TNS1: variants seen among roughly 807,000 people sequenced by gnomAD.
TNS1 encodes the protein tensin-1.
TNS1 carries 62 observed loss-of-function variants against 168.6 expected under a neutral mutation model. The ratio of observed to expected loss-of-function variants is 0.37; its 90% CI spans 0.30 to 0.45. The LOEUF (loss-of-function observed/expected upper bound fraction) is 0.45, where lower values mean the gene tolerates loss of function less well. TNS1 is among the 20% of genes least tolerant of loss of function. The pLI is 1.00. For synonymous variants in TNS1, 934 were observed against 933.2 expected (o/e 1.00, Z -0.02); for missense variants, 2,240 against 2,339.4 (o/e 0.96, Z 0.88).
intron 3 of TNS1, among the ~76,000 whole-genome samples, chr2:217,928,211 G>T (rs1323704357): frequency 6.6e-6 from 1 of 152,246 alleles, no homozygotes; most frequent in African/African-American, 2.4e-5. Context: ...AGATTACAAG[G>T]CTTGCCTGAA....
intron 18 of TNS1, chr2:217,859,585 C>A: frequency 6.7e-7 from 1 of 1,485,484 alleles, no homozygotes; most frequent in Non-Finnish European, 9.1e-7. Context: ...GGCAACTTGA[C>A]ATTTTGGAGG....
upstream of TNS1, among the ~76,000 whole-genome samples, chr2:218,013,463 C>T (rs894165338): frequency 4.6e-5 from 7 of 152,116 alleles, no homozygotes; most frequent in Admixed American, 1.3e-4. Context: ...GCCCTGGGGG[C>T]CTCATGCCAG....
At chr2:217,975,452 G>A (rs753365429) in intron 3 of TNS1, among the ~76,000 whole-genome samples, 7 of 151,960 alleles carry the variant, frequency 4.6e-5, no homozygotes, top group Non-Finnish European at 8.8e-5. Flanking sequence ...CTATCGCTTC[G>A]TGCTGCAGGA....
chr2:217,966,476 C>G (rs1275436615), intron 3 of TNS1, among the ~76,000 whole-genome samples: 1 of 152,200 alleles, frequency 6.6e-6, no homozygotes, highest in Non-Finnish European at 1.5e-5. Context: ...GCCAGAAGAA[C>G]AGACACCAGG....
chr2:217,882,852 G>A (rs1046228593), intron 16 of TNS1, among the ~76,000 whole-genome samples: 1 of 152,166 alleles, frequency 6.6e-6, no homozygotes, highest in East Asian at 1.9e-4. Flanking sequence ...ATGGAGTACA[G>A]TGGTGCGATC....
intron 31 of TNS1, 113 bp downstream of exon 31, chr2:217,808,490 G>T: frequency 9.6e-7 from 1 of 1,042,738 alleles, no homozygotes; most frequent in Non-Finnish European, 1.5e-6. Flanking sequence ...CCAGCTGAAT[G>T]GAGAATGTAT....
Position 217,880,796 on chromosome 2 carries a change from C to T in TNS1, c.1429+102G>A. 3.3e-6 allele frequency: 3 copies of T among 896,496 alleles called. No individual in the cohort carries two copies. The highest frequency in any genetic ancestry group is 1.6e-5 in the African/African-American group (1 of 60,690). 55.5% of individuals were successfully genotyped at this position (896,496 alleles called of 1,614,324 possible). Reference sequence around the variant, plus strand: ...ACCTCACACTTCCCCTCTGCCTCCTCTCGAACCCAGATCTCTTGAAAGCAG... The same window carrying T: ...ACCTCACACTTCCCCTCTGCCTCCTTTCGAACCCAGATCTCTTGAAAGCAG... On this transcript the variant is annotated intron_variant, in intron 18 of 32. Transcript: ENST00000682258. The surrounding 1 kb of genome is among the most constrained non-coding windows in gnomAD (Gnocchi z 4.2).
chr2:217,833,467 T>C (rs1490112009), intron 21 of TNS1, among the ~76,000 whole-genome samples: 1 of 152,268 alleles, frequency 6.6e-6, no homozygotes, highest in African/African-American at 2.4e-5. Flanking sequence ...GAGGTACCCA[T>C]GGCTGGCCAA....
chr2:217,954,266 T>C (rs868186546), intron 3 of TNS1, among the ~76,000 whole-genome samples: 1 of 152,164 alleles, frequency 6.6e-6, no homozygotes, highest in Admixed American at 6.5e-5. Context: ...TCTCTGGGTC[T>C]CCATCTTGTT....
rs1950572144 is a variant in TNS1 at position 217,880,372 on chromosome 2, T to C, written c.1429+526A>G. On this transcript the variant is annotated intron_variant, in intron 18 of 32. Transcript: ENST00000682258. This position sits in a 1 kb window ranked among gnomAD's most constrained non-coding sequence, Gnocchi z 4.2. ...TGTTCCCAGCTCTCAAACATTTTTG[T>C]TGGCTGTTGATGAAAGCTTGTAGGC... Among the ~76,000 whole-genome samples the C allele has an allele frequency of 6.6e-6, 1 of 152,224 alleles. No individual in the cohort carries two copies. The highest frequency in any genetic ancestry group is 1.5e-5 in the Non-Finnish European group (1 of 68,048).
intron 1 of TNS1, among the ~76,000 whole-genome samples, chr2:217,993,768 A>G (rs1000020562): frequency 1.3e-5 from 2 of 152,208 alleles, no homozygotes; most frequent in African/African-American, 4.8e-5. Context: ...ATCCATGTCA[A>G]TTTCCTGATT....
chr2:217,988,563 A>G (rs1958261315), intron 2 of TNS1, among the ~76,000 whole-genome samples: 1 of 152,186 alleles, frequency 6.6e-6, no homozygotes, highest in African/African-American at 2.4e-5. Context: ...TAATTTATGC[A>G]TCTTCGCAGG....
intron 3 of TNS1, among the ~76,000 whole-genome samples, chr2:217,931,477 G>C (rs774694083): frequency 6.6e-6 from 1 of 152,182 alleles, no homozygotes; most frequent in Non-Finnish European, 1.5e-5. Flanking sequence ...AGGTGCGGGG[G>C]GCTAAGCCAG....
chr2:217,923,304 G>A (rs1955832441), intron 3 of TNS1, among the ~76,000 whole-genome samples: 1 of 152,234 alleles, frequency 6.6e-6, no homozygotes, highest in Non-Finnish European at 1.5e-5. Context: ...ATTGGGAACT[G>A]ACAGGGTGTC....
At chr2:217,946,974 C>T (rs1401451912) in intron 3 of TNS1, among the ~76,000 whole-genome samples, 1 of 150,558 alleles carries the variant, frequency 6.6e-6, no homozygotes, top group Non-Finnish European at 1.5e-5. Flanking sequence ...CTCTCTCACA[C>T]ACACACACAC....
chr2:217,880,320 C>A lies in TNS1; in HGVS notation c.1429+578G>T, dbSNP rs1389111259. Reference sequence around the variant, plus strand: ...GTATTAATTTCAATTCTGCTGCTTTCTTTTCAAATTTCAGAGCCTATCAGT... The same window carrying A: ...GTATTAATTTCAATTCTGCTGCTTTATTTTCAAATTTCAGAGCCTATCAGT... On this transcript the variant is annotated intron_variant, in intron 18 of 32. Coordinates refer to ENST00000682258, the MANE Select transcript of TNS1 (RefSeq NM_001387777.1). The surrounding 1 kb of genome is among the most constrained non-coding windows in gnomAD (Gnocchi z 4.2). 2.6e-5 allele frequency among the ~76,000 whole-genome samples: 4 copies of A among 152,328 alleles called. No homozygotes were observed. The highest frequency in any genetic ancestry group is 9.6e-5 in the African/African-American group (4 of 41,572).
At chr2:217,845,309 G>A (rs1043071526) in intron 19 of TNS1, among the ~76,000 whole-genome samples, 2 of 152,158 alleles carry the variant, frequency 1.3e-5, no homozygotes, top group Non-Finnish European at 2.9e-5. Flanking sequence ...AGCTTCTTAC[G>A]GCAGAGATGT....
intron 21 of TNS1, among the ~76,000 whole-genome samples, chr2:217,833,571 G>A (rs1944760394): frequency 6.6e-6 from 1 of 152,232 alleles, no homozygotes; most frequent in South Asian, 2.1e-4. Flanking sequence ...GCCATTTACA[G>A]CTAACAGTGA....
upstream of TNS1, among the ~76,000 whole-genome samples, chr2:218,013,413 C>G (rs1373402127): frequency 6.6e-6 from 1 of 152,150 alleles, no homozygotes; most frequent in African/African-American, 2.4e-5. Flanking sequence ...AAACATCCCC[C>G]CTAGGGAGGG....
Sources: allele counts gnomAD v4.1 joint callset (sites outside exome capture counted in the v4.1 genomes callset), GRCh38; gene constraint gnomAD v4.1.1; non-coding constraint Gnocchi (gnomAD v3.1); transcripts MANE v1.5; gene names NCBI Gene and HGNC (gene_info 2026-07-23, HGNC 2026-07-21).